The following PRR5L variants were observed in gnomAD, a reference collection of about 807,000 sequenced individuals.
PRR5L encodes proline-rich protein 5-like.
PRR5L carries 21 observed loss-of-function variants against 36.4 expected under a neutral mutation model. The ratio of observed to expected loss-of-function variants is 0.58; its 90% CI spans 0.41 to 0.83. The LOEUF is 0.83. PRR5L is among the 40% of genes least tolerant of loss of function. PRR5L has a pLI of 0.00. For missense variants in PRR5L, 381 were observed against 473.3 expected (o/e 0.80, Z 1.81); for synonymous variants, 188 against 197.0 (o/e 0.95, Z 0.38).
chr11:36,316,686 T>C lies in PRR5L; in HGVS notation c.-126+20248T>C, dbSNP rs113100400. ...AAATATCTCAAGCACTGATCTTAGGTTTTACAATAGTGATGTTATCCCTAG... is the reference window on the plus strand; with the variant it reads ...AAATATCTCAAGCACTGATCTTAGGCTTTACAATAGTGATGTTATCCCTAG... On this transcript the variant is annotated intron_variant, in intron 1 of 8. Coordinates refer to ENST00000530639, the MANE Select transcript of PRR5L (RefSeq NM_001160167.2). 6.2e-3 allele frequency among the ~76,000 whole-genome samples: 939 copies of C among 152,116 alleles called. 17 individuals are homozygous for C. The highest frequency in any genetic ancestry group is 0.022 in the African/African-American group (896 of 41,468).
At chr11:36,318,838 C>T (rs1413222141) in intron 1 of PRR5L, among the ~76,000 whole-genome samples, 1 of 151,816 alleles carries the variant, frequency 6.6e-6, no homozygotes, top group Non-Finnish European at 1.5e-5. Flanking sequence ...AGGGAAAGGC[C>T]AAAAAGAAGG....
intron 5 of PRR5L, among the ~76,000 whole-genome samples, chr11:36,432,429 A>C (rs890542710): frequency 6.6e-6 from 1 of 152,220 alleles, no homozygotes; most frequent in Admixed American, 6.5e-5. Context: ...TAGAGTTTAA[A>C]GTCCAACTGA....
intron 5 of PRR5L, among the ~76,000 whole-genome samples, chr11:36,436,024 C>A (rs10768210): frequency 0.26 from 38,879 of 152,002 alleles, 5,143 homozygotes; most frequent in East Asian, 0.42. Flanking sequence ...TTTGCACAGG[C>A]AAGTTGAGGG....
intron 1 of PRR5L, among the ~76,000 whole-genome samples, chr11:36,372,973 TA>T (rs1857212123): frequency 9.3e-6 from 1 of 108,024 alleles, no homozygotes; most frequent in Non-Finnish European, 1.9e-5. Context: ...CGCTGCCTAA[TA>T]GTTGTGTGTG....
At chr11:36,304,119 C>T (rs141705566) in intron 1 of PRR5L, among the ~76,000 whole-genome samples, 1 of 152,330 alleles carries the variant, frequency 6.6e-6, no homozygotes, top group African/African-American at 2.4e-5. Context: ...TACCAACTCT[C>T]TGGGGACCTC....
At chr11:36,423,054 T>G (rs1170464154) in intron 4 of PRR5L, among the ~76,000 whole-genome samples, 1 of 152,098 alleles carries the variant, frequency 6.6e-6, no homozygotes, top group Non-Finnish European at 1.5e-5. Flanking sequence ...GTTTTGTGTG[T>G]TATAAGCTTT....
At chr11:36,370,190 A>G (rs768112132) in intron 1 of PRR5L, among the ~76,000 whole-genome samples, 10 of 152,076 alleles carry the variant, frequency 6.6e-5, no homozygotes, top group Admixed American at 1.3e-4. Context: ...CTAACTTGCC[A>G]TGCTTCTTCC....
At position 36,397,510 on chromosome 11, in the gene PRR5L, GC is replaced by G. The variant is rs200630874; in HGVS notation, c.-125-3486del. Among the ~76,000 whole-genome samples, 993 of 125,634 alleles carry G rather than the reference GC, an allele frequency of 7.9e-3. 22 individuals carry two copies. Among genetic ancestry groups the G allele is most frequent in the Admixed American group, 0.051 (528 of 10,420 alleles). The allele number at this position is 125,634 out of a possible 152,430, so 82.4% of individuals were successfully genotyped here. On this transcript the variant is annotated intron_variant, in intron 1 of 8. Transcript: ENST00000530639. ...CTTGCTTTGTTGCCCAGGCTGGAGT[GC>G]AGTGGTGCCATCTTGGCTCACTGCA...
At chr11:36,352,225 C>G (rs1178588143) in intron 1 of PRR5L, among the ~76,000 whole-genome samples, 3 of 152,044 alleles carry the variant, frequency 2.0e-5, no homozygotes, top group Non-Finnish European at 4.4e-5. Flanking sequence ...ATTTGTATAT[C>G]TTCTTTTGAG....
chr11:36,385,106 A>ACT (rs1256602950), intron 1 of PRR5L, among the ~76,000 whole-genome samples: 3 of 152,176 alleles, frequency 2.0e-5, no homozygotes, highest in Non-Finnish European at 4.4e-5. Context: ...TGGCTGCCAG[A>ACT]CTGTAGCTTT....
chr11:36,458,171 G>C (rs230486), intron 8 of PRR5L, among the ~76,000 whole-genome samples: 146,392 of 152,300 alleles, frequency 0.96, 70,617 homozygotes, highest in East Asian at 1. Flanking sequence ...AGCTTCTTGT[G>C]TAGCATCTGC....
chr11:36,430,012 C>A lies in PRR5L; in HGVS notation c.295-1841C>A, dbSNP rs541238184. Among the ~76,000 whole-genome samples the A allele has an allele frequency of 7.9e-5, 12 of 152,224 alleles. No individual in the cohort carries two copies. The South Asian group carries it at 2.5e-3, about 32-fold the overall frequency. On this transcript the variant is annotated intron_variant, in intron 4 of 8. Coordinates refer to ENST00000530639, the MANE Select transcript of PRR5L (RefSeq NM_001160167.2). ...TTGTCTTTATTGCCTGTGTGTTTCA[C>A]AATTCTTTGTGAAGGAATTGCTTTT...
chr11:36,387,079 T>C (rs1185009947), intron 1 of PRR5L, among the ~76,000 whole-genome samples: 1 of 152,172 alleles, frequency 6.6e-6, no homozygotes, highest in Non-Finnish European at 1.5e-5. Context: ...GTGTTTCCTT[T>C]AGCAGTACCT....
At chr11:36,309,948 A>T (rs1430012804) in intron 1 of PRR5L, among the ~76,000 whole-genome samples, 2 of 600 alleles carry the variant, frequency 3.3e-3, no homozygotes, top group Non-Finnish European at 0.012. Flanking sequence ...TCAAAGAATG[A>T]CTCCATCATC....
intron 1 of PRR5L, among the ~76,000 whole-genome samples, chr11:36,365,308 T>C (rs1378154648): frequency 6.6e-6 from 1 of 151,956 alleles, no homozygotes; most frequent in Non-Finnish European, 1.5e-5. Context: ...ATCCAAGAAA[T>C]TAAAAAGCCG....
intron 1 of PRR5L, among the ~76,000 whole-genome samples, chr11:36,347,976 T>G (rs1856884694): frequency 1.3e-5 from 2 of 152,138 alleles, no homozygotes; most frequent in African/African-American, 4.8e-5. Flanking sequence ...ATTATGATAA[T>G]GATACTTATT....
chr11:36,362,715 G>T (rs1857104089), intron 1 of PRR5L, among the ~76,000 whole-genome samples: 1 of 152,080 alleles, frequency 6.6e-6, no homozygotes, highest in African/African-American at 2.4e-5. Flanking sequence ...AGGTCTTATG[G>T]ATTCTCTGTT....
intron 8 of PRR5L, chr11:36,454,774 A>G (rs1859016575): frequency 6.6e-6 from 1 of 152,504 alleles, no homozygotes; most frequent in South Asian, 2.1e-4. Context: ...CTGCACGAGG[A>G]TTCTCCGGAG....
intron 1 of PRR5L, among the ~76,000 whole-genome samples, chr11:36,332,206 A>G (rs1340542472): frequency 1.3e-5 from 2 of 152,142 alleles, no homozygotes; most frequent in Admixed American, 6.5e-5. Flanking sequence ...ATGTAATAGC[A>G]TTACAAAAAA....
Sources: allele counts gnomAD v4.1 joint callset (sites outside exome capture counted in the v4.1 genomes callset), GRCh38; gene constraint gnomAD v4.1.1; transcripts MANE v1.5; gene names NCBI Gene and HGNC (gene_info 2026-07-23, HGNC 2026-07-21).